NRG1: variants seen among roughly 807,000 people sequenced by gnomAD.
The protein encoded by NRG1 is neuregulin 1.
NRG1 carries 18 observed loss-of-function variants against 63.8 expected under a neutral mutation model. The ratio of observed to expected loss-of-function variants is 0.28; its 90% CI spans 0.19 to 0.42. The LOEUF is 0.42. Ranked by LOEUF, NRG1 falls within the 10% of genes least tolerant of loss-of-function variation. The pLI, the probability that NRG1 is intolerant of heterozygous loss-of-function variation, is 1.00. For missense variants in NRG1, 762 were observed against 814.7 expected (o/e 0.94, Z 0.79); for synonymous variants, 302 against 301.3 (o/e 1.00, Z -0.02).
intron 1 of NRG1, among the ~76,000 whole-genome samples, chr8:32,152,102 A>G (rs549905795): frequency 5.3e-5 from 8 of 152,366 alleles, no homozygotes; most frequent in Admixed American, 5.2e-4. Flanking sequence ...TGCCTTAGCA[A>G]TCTTAAGTGT....
At chr8:32,021,396 C>T (rs896121976) in intron 1 of NRG1, among the ~76,000 whole-genome samples, 2 of 152,098 alleles carry the variant, frequency 1.3e-5, no homozygotes, top group African/African-American at 4.8e-5. Context: ...CTGTAACAAC[C>T]CACTCTGGTG....
At chr8:31,882,568 C>T (rs1323094819) in intron 1 of NRG1, among the ~76,000 whole-genome samples, 1 of 152,026 alleles carries the variant, frequency 6.6e-6, no homozygotes, top group Non-Finnish European at 1.5e-5. Flanking sequence ...AGTGATTCCT[C>T]TGGTGTATGT....
intron 1 of NRG1, among the ~76,000 whole-genome samples, chr8:31,739,576 T>A (rs1815056469): frequency 6.6e-6 from 1 of 152,062 alleles, no homozygotes; most frequent in Non-Finnish European, 1.5e-5. Flanking sequence ...CGACTCTGTG[T>A]GCTAAAACAT....
At chr8:31,890,323 G>T (rs1831049271) in intron 1 of NRG1, among the ~76,000 whole-genome samples, 1 of 152,130 alleles carries the variant, frequency 6.6e-6, no homozygotes, top group African/African-American at 2.4e-5. Context: ...ATAATTTTCT[G>T]ATACGGAAAA....
At chr8:32,177,118 C>G (rs1487000284) in intron 1 of NRG1, among the ~76,000 whole-genome samples, 1 of 152,022 alleles carries the variant, frequency 6.6e-6, no homozygotes, top group Non-Finnish European at 1.5e-5. Context: ...GAAAATGTGG[C>G]ACATATACAC....
Position 31,828,249 on chromosome 8 carries a change from C to A in NRG1, c.37+188818C>A, listed in dbSNP as rs962430923. 4.6e-5 allele frequency among the ~76,000 whole-genome samples: 7 copies of A among 152,140 alleles called. No homozygotes were observed. In the East Asian group the frequency reaches 1.2e-3, roughly 25 times the overall value. On this transcript the variant is annotated intron_variant, in intron 1 of 10. Coordinates refer to the NRG1 transcript ENST00000519301. ...TCCTGTAGAATTTACATTACAAAACCTTCTCTGATCAATAATTGACGATGA... is the reference window on the plus strand; with the variant it reads ...TCCTGTAGAATTTACATTACAAAACATTCTCTGATCAATAATTGACGATGA...
chr8:32,172,394 GA>G (rs1319176866), intron 1 of NRG1, among the ~76,000 whole-genome samples: 1 of 152,138 alleles, frequency 6.6e-6, no homozygotes, highest in Non-Finnish European at 1.5e-5. Context: ...GAAAGATGAG[GA>G]AAAAACAGAG....
At chr8:32,014,333 C>T (rs1815180054) in intron 1 of NRG1, among the ~76,000 whole-genome samples, 1 of 152,136 alleles carries the variant, frequency 6.6e-6, no homozygotes, top group South Asian at 2.1e-4. Flanking sequence ...TGGGAGCTCA[C>T]TCATGATTTG....
intron 1 of NRG1, among the ~76,000 whole-genome samples, chr8:32,073,080 T>A (rs1013336075): frequency 6.6e-6 from 1 of 152,200 alleles, no homozygotes; most frequent in African/African-American, 2.4e-5. Context: ...AAATTGATAC[T>A]ATGAAAGTTC....
intron 5 of NRG1, among the ~76,000 whole-genome samples, chr8:32,682,367 A>G (rs1257357282): frequency 1.3e-5 from 2 of 152,308 alleles, no homozygotes; most frequent in South Asian, 2.1e-4. Flanking sequence ...CTGTCTTCCC[A>G]TGATCACAAT....
exon 8 of NRG1, chr8:32,754,446 A>T (rs1829299354): frequency 6.2e-7 from 1 of 1,613,704 alleles, no homozygotes. Context: ...GGTCGGCATC[A>T]TGTGTGTGGT....
At chr8:32,203,893 C>A (rs1843747686) in intron 1 of NRG1, among the ~76,000 whole-genome samples, 1 of 151,994 alleles carries the variant, frequency 6.6e-6, no homozygotes, top group African/African-American at 2.4e-5. Context: ...ATGGATAGTT[C>A]TGTGGAAGTA....
At chr8:31,639,757 T>C (rs1450698947) in intron 1 of NRG1, 1 of 1,365,720 alleles carries the variant, frequency 7.3e-7, no homozygotes. Context: ...TGCCTTTTTT[T>C]TTTTTGCCCT....
intron 1 of NRG1, among the ~76,000 whole-genome samples, chr8:32,503,142 C>T (rs1828070143): frequency 7.5e-6 from 1 of 132,538 alleles, no homozygotes; most frequent in South Asian, 2.4e-4. Flanking sequence ...AAAAAATTAG[C>T]TGGGCATGGT....
At chr8:31,928,373 A>AG (rs1250849767) in intron 1 of NRG1, among the ~76,000 whole-genome samples, 1 of 151,512 alleles carries the variant, frequency 6.6e-6, no homozygotes, top group East Asian at 1.9e-4. Context: ...AAAAAAAAAA[A>AG]AAAAGATGTT....
intron 1 of NRG1, among the ~76,000 whole-genome samples, chr8:32,056,787 T>G (rs1157946864): frequency 4.6e-5 from 7 of 152,192 alleles, no homozygotes; most frequent in Non-Finnish European, 7.4e-5. Flanking sequence ...CCCTAGTGTT[T>G]AATGCAAATT....
intron 1 of NRG1, among the ~76,000 whole-genome samples, chr8:31,673,350 A>G (rs1489322687): frequency 6.6e-6 from 1 of 152,166 alleles, no homozygotes; most frequent in African/African-American, 2.4e-5. Flanking sequence ...CCTTGAAAAG[A>G]TCATTGCTGC....
At chr8:31,691,917 C>T (rs904250802) in intron 1 of NRG1, among the ~76,000 whole-genome samples, 5 of 152,112 alleles carry the variant, frequency 3.3e-5, no homozygotes, top group Non-Finnish European at 5.9e-5. Flanking sequence ...ACTGCAGTCT[C>T]GACCTCCTGG....
intron 1 of NRG1, among the ~76,000 whole-genome samples, chr8:31,865,795 A>G (rs1828904554): frequency 6.6e-6 from 1 of 152,194 alleles, no homozygotes; most frequent in South Asian, 2.1e-4. Flanking sequence ...TAGTAGCATG[A>G]GAGCAGACTA....
Sources: gnomAD v4.1 joint callset for allele counts (sites outside exome capture counted in the v4.1 genomes callset) on GRCh38, gnomAD v4.1.1 for gene constraint, MANE v1.5 for transcripts, NCBI Gene and HGNC (gene_info 2026-07-23, HGNC 2026-07-21) for gene names.